FLG: variants seen among roughly 807,000 people sequenced by gnomAD.
FLG encodes epidermal filaggrin.
In FLG, 6 loss-of-function variants were observed where a neutral mutation model predicts 3.8. The observed-to-expected ratio is 1.60, with a 90% CI of 0.87 to 3.15. The LOEUF (loss-of-function observed/expected upper bound fraction) is 3.15. Ranked by LOEUF, FLG falls within the 30% of genes most tolerant of loss-of-function variation. The pLI is 0.00. For synonymous variants in FLG, 2,551 were observed against 1,931.6 expected, an observed-to-expected ratio of 1.32 and a Z score of -8.41; for missense variants, 7,595 against 5,050.9, an observed-to-expected ratio of 1.50 and a Z score of -15.27.
Position 152,304,892 on chromosome 1 carries a change from G to T in FLG, c.9994C>A (p.His3332Asn). ...GCCTGACTACCACTGGACCCCCAGTGTCTACTGTCTCTGACTGCAGATGAA... is the reference window on the plus strand; with the variant it reads ...GCCTGACTACCACTGGACCCCCAGTTTCTACTGTCTCTGACTGCAGATGAA... Reference protein sequence around the residue: ...QASSAVRDSRHWGSSGSQASD... With the variant: ...QASSAVRDSRNWGSSGSQASD... Residue 3332 changes from histidine to asparagine, a missense_variant, in exon 3 of 3, where the codon CAC becomes AAC. Transcript: ENST00000368799. The T allele has an allele frequency of 6.2e-7, 1 of 1,613,848 alleles. No homozygotes were observed. Among genetic ancestry groups the T allele is most frequent in the African/African-American group, 1.3e-5 (1 of 74,990 alleles).
At position 152,309,849 on chromosome 1, in the gene FLG, T is replaced by C. The variant is rs376694731; in HGVS notation, c.5037A>G (p.Glu1679=). Residue 1679 remains glutamate, a synonymous_variant, in exon 3 of 3, where the codon GAA becomes GAG. Transcript: ENST00000368799. ...ACTGCTGGTGGCGGGATCCATGTCTTTCTCCTGGACTTGACCTTGCCTGTT... is the reference window on the plus strand; with the variant it reads ...ACTGCTGGTGGCGGGATCCATGTCTCTCTCCTGGACTTGACCTTGCCTGTT... The part of the protein sequence containing the change: ...SQEQARSSPG[E]RHGSRHQQSA... The C allele has an allele frequency of 2.2e-5, 36 of 1,613,950 alleles. No homozygotes were observed. The highest frequency in any genetic ancestry group is 2.9e-5 in the Non-Finnish European group (34 of 1,179,992).
In FLG at chr1:152,304,712, T is replaced by C; in HGVS notation, c.10174A>G (p.Thr3392Ala). The change falls in exon 3 of 3, where the codon ACT becomes GCT. Residue 3392 changes from threonine to alanine, a missense_variant. Thr to Ala is a moderately conservative substitution (Grantham distance 58). Transcript: ENST00000368799. ...RSGSFLYQVS[T>A]HEQSESAHGR... ...TGGGCAGACTCAGACTGTTCATGAG[T>C]GCTCACCTGGTAGAGGAAAGACCCT... 3 of 1,613,232 alleles carry C rather than the reference T, an allele frequency of 1.9e-6. No individual in the cohort carries two copies. Among genetic ancestry groups the C allele is most frequent in the Non-Finnish European group, 2.5e-6 (3 of 1,179,804 alleles).
Position 152,304,592 on chromosome 1 carries a change from C to T in FLG, c.10294G>A (p.Asp3432Asn), listed in dbSNP as rs1290194551. 3 of 1,610,938 alleles carry T rather than the reference C, an allele frequency of 1.9e-6. No individual in the cohort carries two copies. Among genetic ancestry groups the T allele is most frequent in the South Asian group, 2.2e-5 (2 of 90,660 alleles). Residue 3432 changes from aspartate (D) to asparagine (N), a missense_variant, in exon 3 of 3, where the codon GAC becomes AAC. By Grantham distance (23) the Asp-to-Asn change is conservative. Coordinates refer to ENST00000368799, the MANE Select transcript of FLG (RefSeq NM_002016.2). ...SRHSASQEGQ[D>N]TIRGHPGSSR... ...GACCCCGGGTGTCCACGAATGGTGTCCTGACCCTCTTGGGACGCTGAGTGC... is the reference window on the plus strand; with the variant it reads ...GACCCCGGGTGTCCACGAATGGTGTTCTGACCCTCTTGGGACGCTGAGTGC...
rs1281110927 is a variant in FLG, at chr1:152,309,357, G to A, written c.5529C>T (p.His1843=). The change falls in exon 3 of 3, where the codon CAC becomes CAT. Residue 1843 remains histidine, a synonymous_variant. Coordinates refer to ENST00000368799, the MANE Select transcript of FLG (RefSeq NM_002016.2). ...ACCTTTCCTGGGACGTGGTGTGGCT[G>A]TGATGAGACCCTGAGTGTCCAGAAC... ...VDSSGHSGSH[H]SHTTSQERSD... is the part of the protein sequence containing the mutation. The A allele has an allele frequency of 6.2e-7, 1 of 1,613,900 alleles. No homozygotes were observed. The highest frequency in any genetic ancestry group is 1.7e-5 in the Admixed American group (1 of 60,002).
At position 152,308,486 on chromosome 1, in the gene FLG, C is replaced by T. The variant is rs748878742; in HGVS notation, c.6400G>A (p.Gly2134Ser). The change falls in exon 3 of 3, where the codon GGT (glycine) becomes AGT (serine). Residue 2134 changes from glycine (G) to serine (S), a missense_variant. Physicochemically the swap from Gly to Ser is moderately conservative, Grantham distance 56. Coordinates refer to ENST00000368799, the MANE Select transcript of FLG (RefSeq NM_002016.2). ...GGGTGTCCACGAATGGTGTCCTGAC[C>T]CTCTTGGGATGCTGAGTGCCTGGAG... is the stretch of plus-strand genomic sequence containing the variant. ...DSSRHSASQEGQDTIRGHPGP... is the reference protein window; with the variant it reads ...DSSRHSASQESQDTIRGHPGP... The T allele has an allele frequency of 1.9e-6, 3 of 1,613,680 alleles. No homozygotes were observed. The highest frequency in any genetic ancestry group is 1.7e-6 in the Non-Finnish European group (2 of 1,179,846).
rs1207307112 is a variant in FLG, at chr1:152,307,538, A to G, written c.7348T>C (p.Ser2450Pro). The change falls in exon 3 of 3, where the codon TCC becomes CCC. Residue 2450 changes from serine to proline, a missense_variant. By Grantham distance (74) the Ser-to-Pro change is moderately conservative. Transcript: ENST00000368799. Reference sequence around the variant, plus strand: ...CCCTCTTGGGACGTTGAGTGCCTGGAGCTGTCTCGTGCCTGCTTGTGGTGG... The same window carrying G: ...CCCTCTTGGGACGTTGAGTGCCTGGGGCTGTCTCGTGCCTGCTTGTGGTGG... ...GSHHKQARDS[S>P]RHSTSQEGQD... 5.6e-6 allele frequency: 9 copies of G among 1,613,478 alleles called. No individual in the cohort carries two copies. The highest frequency in any genetic ancestry group is 7.6e-6 in the Non-Finnish European group (9 of 1,179,886).
At position 152,308,081 on chromosome 1, in the gene FLG, C is replaced by T. The variant is rs751955526; in HGVS notation, c.6805G>A (p.Gly2269Arg). The T allele has an allele frequency of 1.4e-5, 23 of 1,614,030 alleles. No individual in the cohort carries two copies. Among genetic ancestry groups the T allele is most frequent in the South Asian group, 3.3e-5 (3 of 91,078 alleles). The change falls in exon 3 of 3, where the codon GGA (glycine) becomes AGA (arginine). Residue 2269 changes from glycine to arginine, a missense_variant. Transcript: ENST00000368799. ...RSGSASRNHH[G>R]SAQEQSRDGS... ...TCTCTTGACTGCTCCTGAGCAGATC[C>T]ATGATGGTTTCTGGACGCAGACCCA...
rs1652567419 is a variant in FLG, at chr1:152,312,948, A to G, written c.1938T>C (p.His646=). Residue 646 remains histidine, a synonymous_variant, in exon 3 of 3, where the codon CAT becomes CAC. Coordinates refer to ENST00000368799, the MANE Select transcript of FLG (RefSeq NM_002016.2). The stretch of plus-strand genomic sequence containing the variant: ...CTCTTGACTGCTCCTGAGCAGATCC[A>G]TGATGGTTTCTGGAAGCAGACCCAG... ...RWSGSASRNH[H]GSAQEQSRDG... 6.2e-7 allele frequency: 1 copy of G among 1,613,936 alleles called. No homozygotes were observed. The highest frequency in any genetic ancestry group is 2.2e-5 in the East Asian group (1 of 44,854).
Position 152,312,893 on chromosome 1 carries a change from C to A in FLG, c.1993G>T (p.Glu665Ter). Residue 665 changes from glutamate (E) to a stop codon, truncating the protein, a stop_gained, in exon 3 of 3, where the codon GAA (glutamate) becomes TAA (stop). Transcript: ENST00000368799. LOFTEE classifies it low-confidence loss of function (END_TRUNC). ...GAGTGCCCATGACCAGCTCTGTCTT[C>A]GTGATGGGACCTGGGGTGTCTGGAG... The part of the protein sequence containing the change: ...DGSRHPRSHH[E>*]DRAGHGHSAD... The A allele has an allele frequency of 6.2e-7, 1 of 1,613,990 alleles. No homozygotes were observed. Among genetic ancestry groups the A allele is most frequent in the Non-Finnish European group, 8.5e-7 (1 of 1,180,016 alleles).
At position 152,307,239 on chromosome 1, in the gene FLG, C is replaced by G. The variant is rs572678186; in HGVS notation, c.7647G>C (p.Val2549=). ...SRADSSGHSQ[V]GQGQSEGPRT... is the part of the protein sequence containing the mutation. ...TGGGCCCCTCTGATTGTCCCTGGCC[C>G]ACCTGCGAGTGTCCAGAGCTGTCGG... is the stretch of plus-strand genomic sequence containing the variant. Residue 2549 remains valine (V), a synonymous_variant, in exon 3 of 3, where the codon GTG becomes GTC. Coordinates refer to ENST00000368799, the MANE Select transcript of FLG (RefSeq NM_002016.2). 1.2e-6 allele frequency: 2 copies of G among 1,610,900 alleles called. No individual in the cohort carries two copies. The highest frequency in any genetic ancestry group is 2.2e-5 in the East Asian group (1 of 44,780).
In FLG at chr1:152,310,071, T is replaced by C. The variant is rs367839012; in HGVS notation, c.4815A>G (p.Glu1605=). ...SQDRDSEGHS[E]DSERRSESAS... ...CCGACTCAGACCGCCTCTCAGAGTC[T>C]TCTGAGTGTCCCTCACTGTCCCTGT... is the stretch of plus-strand genomic sequence containing the variant. The change falls in exon 3 of 3, where the codon GAA becomes GAG. Residue 1605 remains glutamate (E), a synonymous_variant. Coordinates refer to ENST00000368799, the MANE Select transcript of FLG (RefSeq NM_002016.2). 4 of 1,613,872 alleles carry C rather than the reference T, an allele frequency of 2.5e-6. No homozygotes were observed. In the African/African-American group the frequency reaches 5.3e-5, roughly 22 times the overall value.
intron 1 of FLG, among the ~76,000 whole-genome samples, chr1:152,320,797 A>C (rs1285650074): frequency 6.6e-6 from 1 of 151,084 alleles, no homozygotes; most frequent in Non-Finnish European, 1.5e-5. Flanking sequence ...AGCAAGTTTC[A>C]ATAAATTTTA....
chr1:152,309,965 C>G lies in FLG; in HGVS notation c.4921G>C (p.Ala1641Pro). The G allele has an allele frequency of 6.2e-7, 1 of 1,614,058 alleles. No individual in the cohort carries two copies. Among genetic ancestry groups the G allele is most frequent in the Non-Finnish European group, 8.5e-7 (1 of 1,180,016 alleles). Reference sequence around the variant, plus strand: ...CTCTCTGCAGAGTGCCCATGACTGGCTCTATCTTCTTGATGGGACCTGGGG... The same window carrying G: ...CTCTCTGCAGAGTGCCCATGACTGGGTCTATCTTCTTGATGGGACCTGGGG... ...RNPRSHQEDR[A>P]SHGHSAESSR... The change falls in exon 3 of 3, where the codon GCC becomes CCC. Residue 1641 changes from alanine (A) to proline (P), a missense_variant. By Grantham distance (27) the Ala-to-Pro change is conservative. Coordinates refer to ENST00000368799, the MANE Select transcript of FLG (RefSeq NM_002016.2).
In FLG at chr1:152,312,607, T is replaced by A; in HGVS notation, c.2279A>T (p.Gln760Leu). 4 of 1,613,546 alleles carry A rather than the reference T, an allele frequency of 2.5e-6. No homozygotes were observed. Among genetic ancestry groups the A allele is most frequent in the Non-Finnish European group, 3.4e-6 (4 of 1,179,788 alleles). ...SEGHSEDSDTQSVSGHGQAGH... is the reference protein window; with the variant it reads ...SEGHSEDSDTLSVSGHGQAGH... Reference sequence around the variant, plus strand: ...AGCCTGTCCATGGCCTGACACTGACTGTGTGTCTGAGTCTTCTGAATGTCC... The same window carrying A: ...AGCCTGTCCATGGCCTGACACTGACAGTGTGTCTGAGTCTTCTGAATGTCC... Residue 760 changes from glutamine (Q) to leucine (L), a missense_variant, in exon 3 of 3, where the codon CAG becomes CTG. By Grantham distance (113) the Gln-to-Leu change is moderately radical (BLOSUM62 -2). Transcript: ENST00000368799.
intron 1 of FLG, among the ~76,000 whole-genome samples, chr1:152,319,168 C>G (rs943861692): frequency 1.3e-5 from 2 of 151,452 alleles, no homozygotes; most frequent in Non-Finnish European, 3.0e-5. Context: ...AATAAGGTGA[C>G]ATTTGTGCAT....
At position 152,308,894 on chromosome 1, in the gene FLG, T is replaced by C. The variant is rs1421693079; in HGVS notation, c.5992A>G (p.Arg1998Gly). 6 of 1,614,174 alleles carry C rather than the reference T, an allele frequency of 3.7e-6. No homozygotes were observed. Among genetic ancestry groups the C allele is most frequent in the Middle Eastern group, 1.6e-4 (1 of 6,062 alleles). Residue 1998 changes from arginine (R) to glycine (G), a missense_variant, in exon 3 of 3, where the codon AGA becomes GGA. Transcript: ENST00000368799. ...CCATGTCTTTCTCCTGCACTTGATC[T>C]TGCCTGTTCATGGGATGACGCAGCC... is the stretch of plus-strand genomic sequence containing the variant. ...GQAASSHEQA[R>G]SSAGERHGSH... is the part of the protein sequence containing the mutation.
Position 152,314,511 on chromosome 1 carries a change from G to A in FLG, c.375C>T (p.Pro125=). ...TATTGTTTCTTCTTTCCAGACTTGAGGGTCTTTTTCTGTTTTCTTTGTTTT... is the reference window on the plus strand; with the variant it reads ...TATTGTTTCTTCTTTCCAGACTTGAAGGTCTTTTTCTGTTTTCTTTGTTTT... The part of the protein sequence containing the change: ...QEENKENRKR[P]SSLERRNNRK... Residue 125 remains proline (P), a synonymous_variant, in exon 3 of 3, where the codon CCC becomes CCT. Coordinates refer to ENST00000368799, the MANE Select transcript of FLG (RefSeq NM_002016.2). 1 of 1,613,054 alleles carries A rather than the reference G, an allele frequency of 6.2e-7. No homozygotes were observed. The highest frequency in any genetic ancestry group is 1.1e-5 in the South Asian group (1 of 91,006).
At position 152,309,478 on chromosome 1, in the gene FLG, T is replaced by G; in HGVS notation, c.5408A>C (p.His1803Pro). ...RHEQARDSSR[H>P]SASQEGQDTI... Reference sequence around the variant, plus strand: ...GTCCTGACCCTCTTGGGACGCTGAGTGCCTGGAGCTGTCTCGTGCCTGCTC... The same window carrying G: ...GTCCTGACCCTCTTGGGACGCTGAGGGCCTGGAGCTGTCTCGTGCCTGCTC... Residue 1803 changes from histidine (H) to proline (P), a missense_variant, in exon 3 of 3, where the codon CAC becomes CCC. Physicochemically the swap from His to Pro is moderately conservative, Grantham distance 77. Coordinates refer to ENST00000368799, the MANE Select transcript of FLG (RefSeq NM_002016.2). 6.8e-6 allele frequency: 11 copies of G among 1,613,874 alleles called. No homozygotes were observed. Among genetic ancestry groups the G allele is most frequent in the Non-Finnish European group, 9.3e-6 (11 of 1,179,964 alleles).
Position 152,312,010 on chromosome 1 carries a change from G to T in FLG, c.2876C>A (p.Ser959Tyr). 1 of 1,614,088 alleles carries T rather than the reference G, an allele frequency of 6.2e-7. No homozygotes were observed. The highest frequency in any genetic ancestry group is 8.5e-7 in the Non-Finnish European group (1 of 1,180,008). Residue 959 changes from serine (S) to tyrosine (Y), a missense_variant, in exon 3 of 3, where the codon TCT becomes TAT. Coordinates refer to ENST00000368799, the MANE Select transcript of FLG (RefSeq NM_002016.2). The stretch of plus-strand genomic sequence containing the variant: ...GGAAGCAGACCCAGACCACCTCTCA[G>T]AGTCTTCTGAATGTCCCTCACTGTC... Reference protein sequence around the residue: ...DSDSEGHSEDSERWSGSASRN... With the variant: ...DSDSEGHSEDYERWSGSASRN...
Sources: gnomAD v4.1 joint callset for allele counts (sites outside exome capture counted in the v4.1 genomes callset) on GRCh38, gnomAD v4.1.1 for gene constraint, MANE v1.5 for transcripts, NCBI Gene and HGNC (gene_info 2026-07-23, HGNC 2026-07-21) for gene names.